The following HNRNPUL1 variants were observed in gnomAD, a reference collection of about 807,000 sequenced individuals.
HNRNPUL1 encodes the protein heterogeneous nuclear ribonucleoprotein U like 1.
HNRNPUL1 carries 14 observed loss-of-function variants against 108.5 expected under a neutral mutation model. That is an observed-to-expected ratio of 0.13 (90% CI 0.09 to 0.20). HNRNPUL1 has a LOEUF of 0.20. HNRNPUL1 is among the 10% of genes least tolerant of loss of function. HNRNPUL1 has a pLI of 1.00. For missense variants in HNRNPUL1, 804 were observed against 1,168.3 expected, an observed-to-expected ratio of 0.69 and a Z score of 4.55; for synonymous variants, 422 against 445.2, an observed-to-expected ratio of 0.95 and a Z score of 0.66.
At chr19:41,272,801 G>A (rs1599773606) in intron 3 of HNRNPUL1, among the ~76,000 whole-genome samples, 2 of 152,190 alleles carry the variant, frequency 1.3e-5, no homozygotes, top group South Asian at 4.1e-4. Context: ...AGAAGAGGGA[G>A]CAGCCTCTGC....
At chr19:41,305,267 A>G (rs956949799) in intron 13 of HNRNPUL1, among the ~76,000 whole-genome samples, 2 of 152,248 alleles carry the variant, frequency 1.3e-5, no homozygotes, top group African/African-American at 2.4e-5. Context: ...GTTTCTCAGC[A>G]GATCTTCCAG....
intron 1 of HNRNPUL1, among the ~76,000 whole-genome samples, chr19:41,267,621 G>A (rs1306084465): frequency 6.6e-6 from 1 of 152,196 alleles, no homozygotes; most frequent in East Asian, 1.9e-4. Flanking sequence ...AATCCGATCA[G>A]TTAGCAAGTG....
Position 41,306,561 on chromosome 19 carries a change from A to C in HNRNPUL1, c.2567A>C (p.Gln856Pro), listed in dbSNP as rs2037561269. The C allele has an allele frequency of 3.2e-6, 5 of 1,561,254 alleles. No individual in the cohort carries two copies. The highest frequency in any genetic ancestry group is 2.8e-5 in the African/African-American group (2 of 72,458). Reference protein sequence around the residue: ...SGNTQGGTSTQ With the variant: ...SGNTQGGTSTP ...AACACACAGGGTGGCACAAGTACACAGTAGCCAGTGTGACCCAGAGGCTCC... is the reference window on the plus strand; with the variant it reads ...AACACACAGGGTGGCACAAGTACACCGTAGCCAGTGTGACCCAGAGGCTCC... The change falls in exon 15 of 15, where the codon CAG becomes CCG. Residue 856 changes from glutamine to proline, a missense_variant. Physicochemically the swap from Gln to Pro is moderately conservative, Grantham distance 76 (BLOSUM62 -1). Coordinates refer to ENST00000392006, the MANE Select transcript of HNRNPUL1 (RefSeq NM_007040.6).
chr19:41,296,097 A>T (rs1036148211), intron 10 of HNRNPUL1, among the ~76,000 whole-genome samples: 1 of 151,986 alleles, frequency 6.6e-6, no homozygotes, highest in African/African-American at 2.4e-5. Flanking sequence ...GAGGATACAT[A>T]CCTCTTTTGG....
intron 2 of HNRNPUL1, among the ~76,000 whole-genome samples, chr19:41,271,319 C>G (rs1324414553): frequency 6.6e-6 from 1 of 152,332 alleles, no homozygotes; most frequent in East Asian, 1.9e-4. Flanking sequence ...CACAGACATT[C>G]ATCAGGAGCC....
chr19:41,299,863 T>C (rs753322244), intron 10 of HNRNPUL1, among the ~76,000 whole-genome samples: 4 of 152,084 alleles, frequency 2.6e-5, no homozygotes, highest in Non-Finnish European at 5.9e-5. Flanking sequence ...CATGACAGTA[T>C]AAATATCTAC....
chr19:41,292,634 C>CTGAG lies in HNRNPUL1; in HGVS notation c.1266+124_1266+125insGAGT. Reference sequence around the variant, plus strand: ...GGGGCAAGTGGCCACTTTGTCCCAGCTCCTCAGGGTTGGACTCAGAGCTGA... The same window carrying CTGAG: ...GGGGCAAGTGGCCACTTTGTCCCAGCTGAGTCCTCAGGGTTGGACTCAGAGCTGA... On this transcript the variant is annotated intron_variant, in intron 8 of 14. Transcript: ENST00000392006. The surrounding 1 kb of genome is among the most constrained non-coding windows in gnomAD (Gnocchi z 4.1). 1 of 1,222,042 alleles carries CTGAG rather than the reference C, an allele frequency of 8.2e-7. No homozygotes were observed. Among genetic ancestry groups the CTGAG allele is most frequent in the Non-Finnish European group, 1.2e-6 (1 of 851,980 alleles). 75.7% of individuals were successfully genotyped at this position (1,222,042 alleles called of 1,614,324 possible). A position where few individuals can be genotyped will look rare whatever the true frequency, so the allele number is the denominator to read the frequency against.
intron 3 of HNRNPUL1, 154 bp downstream of exon 3, chr19:41,272,389 G>GAC: frequency 2.6e-6 from 2 of 776,556 alleles, no homozygotes; most frequent in Non-Finnish European, 4.0e-6. Flanking sequence ...CTTGCTACCA[G>GAC]ATTCAGCTTT....
intron 3 of HNRNPUL1, 119 bp downstream of exon 3, chr19:41,272,354 C>A: frequency 9.6e-7 from 1 of 1,038,516 alleles, no homozygotes; most frequent in Non-Finnish European, 1.4e-6. Context: ...CCTCTGCTTT[C>A]ACACTCTTCC....
Position 41,278,623 on chromosome 19 carries a change from T to C in HNRNPUL1, c.787-454T>C, listed in dbSNP as rs1056082217. ...GGGTTTTGTTGTTTTTTTCTTTTAA[T>C]GTTTTTGTAAAGATGGGGTCTTGCT... On this transcript the variant is annotated intron_variant, in intron 5 of 14. Coordinates refer to ENST00000392006, the MANE Select transcript of HNRNPUL1 (RefSeq NM_007040.6). Among the ~76,000 whole-genome samples the C allele has an allele frequency of 4.0e-5, 6 of 151,522 alleles. No individual in the cohort carries two copies. In the South Asian group the frequency reaches 1.0e-3, roughly 26 times the overall value.
chr19:41,278,339 G>T (rs1210840351), intron 5 of HNRNPUL1: 3 of 151,918 alleles, frequency 2.0e-5, no homozygotes, highest in African/African-American at 7.3e-5. Context: ...GGGATTACAG[G>T]CTTGAGCCAC....
chr19:41,303,194 G>C (rs970389830), intron 12 of HNRNPUL1, among the ~76,000 whole-genome samples: 17 of 152,218 alleles, frequency 1.1e-4, no homozygotes, highest in Middle Eastern at 3.4e-3. Context: ...TCACATTGCT[G>C]TCATTTTTGT....
chr19:41,307,632 C>T lies in HNRNPUL1; in HGVS notation c.*1067C>T, dbSNP rs976389995. 6.6e-6 allele frequency: 1 copy of T among 152,548 alleles called. No individual in the cohort carries two copies. The highest frequency in any genetic ancestry group is 6.5e-5 in the Admixed American group (1 of 15,278). The allele number at this position is 152,548 out of a possible 1,614,324, so 9.4% of individuals were successfully genotyped here. ...GTGTTTGCCCTGTTTTGTTTGGTTTCGTTTTGTTTTCTTTGAATAAATGAC... is the reference window on the plus strand; with the variant it reads ...GTGTTTGCCCTGTTTTGTTTGGTTTTGTTTTGTTTTCTTTGAATAAATGAC... On this transcript the variant is annotated 3_prime_UTR_variant, in exon 15 of 15. Coordinates refer to ENST00000392006, the MANE Select transcript of HNRNPUL1 (RefSeq NM_007040.6).
chr19:41,265,021 T>C, intron 1 of HNRNPUL1: 9 of 1,389,528 alleles, frequency 6.5e-6, no homozygotes, highest in Non-Finnish European at 7.4e-6. Context: ...GCCTCTGGGT[T>C]TCGGAGGTGA....
Position 41,292,006 on chromosome 19 carries a change from A to AT in HNRNPUL1, c.1000-239_1000-238insT. ...AAAAAAAAAAAAACAAAAAAAAAAA[A>AT]CTCTTGCTTACTTGCTTCATATCCA... is the stretch of plus-strand genomic sequence containing the variant. On this transcript the variant is annotated intron_variant, in intron 7 of 14. Coordinates refer to ENST00000392006, the MANE Select transcript of HNRNPUL1 (RefSeq NM_007040.6). This position sits in a 1 kb window ranked among gnomAD's most constrained non-coding sequence, Gnocchi z 4.1. 1.9e-6 allele frequency: 1 copy of AT among 521,826 alleles called. No homozygotes were observed. The allele number at this position is 521,826 out of a possible 1,614,324, so 32.3% of individuals were successfully genotyped here.
At chr19:41,300,842 T>TTAGAAGC (rs2037169068) in intron 10 of HNRNPUL1, among the ~76,000 whole-genome samples, 2 of 152,078 alleles carry the variant, frequency 1.3e-5, no homozygotes, top group East Asian at 3.9e-4. Flanking sequence ...AGCTTGCTGG[T>TTAGAAGC]TAGAAGCTTG....
chr19:41,266,663 G>T (rs1274798234), intron 1 of HNRNPUL1, among the ~76,000 whole-genome samples: 2 of 152,012 alleles, frequency 1.3e-5, no homozygotes, highest in African/African-American at 4.8e-5. Context: ...AGGGATTCTG[G>T]CGTAAGAGTT....
intron 3 of HNRNPUL1, among the ~76,000 whole-genome samples, chr19:41,273,545 G>C (rs2035368494): frequency 6.6e-6 from 1 of 152,194 alleles, no homozygotes; most frequent in Admixed American, 6.5e-5. Context: ...AAGAAGCCTG[G>C]TACATGGATA....
chr19:41,303,900 C>G (rs2037386931), intron 12 of HNRNPUL1, 72 bp from the exon 13 acceptor site: 1 of 1,540,764 alleles, frequency 6.5e-7, no homozygotes, highest in Non-Finnish European at 8.8e-7. Context: ...CAGTAGTCAC[C>G]AAGACAACCC....
Sources: gnomAD v4.1 joint callset for allele counts (sites outside exome capture counted in the v4.1 genomes callset) on GRCh38, gnomAD v4.1.1 for gene constraint, Gnocchi (gnomAD v3.1) non-coding constraint, MANE v1.5 for transcripts, NCBI Gene and HGNC (gene_info 2026-07-23, HGNC 2026-07-21) for gene names.